Variants in IQSEC2 observed in about 807,000 individuals in gnomAD.
IQSEC2 encodes IQ motif and Sec7 domain ArfGEF 2, also known as IQ motif and SEC7 domain-containing protein 2.
In IQSEC2, 6 loss-of-function variants were observed where a neutral mutation model predicts 74.6. That is an observed-to-expected ratio of 0.08 (90% CI 0.04 to 0.16). IQSEC2 has a LOEUF of 0.16. Ranked by LOEUF, IQSEC2 falls within the 10% of genes least tolerant of loss-of-function variation. The pLI, the probability that IQSEC2 is intolerant of heterozygous loss-of-function variation, is 1.00. For missense variants in IQSEC2, 734 were observed against 1,306.2 expected (o/e 0.56, Z 6.75); for synonymous variants, 494 against 544.5 (o/e 0.91, Z 1.29).
chrX:53,291,958 G>A (rs1383518672), intron 1 of IQSEC2, 34 bp from the exon 2 acceptor site: 2 of 1,144,900 alleles, frequency 1.7e-6, no homozygotes, highest in African/African-American at 1.8e-5. Context: ...AACCAAAACG[G>A]TCAGTATACG....
chrX:53,235,886 TGCTGGGCTCCAGA>T lies in IQSEC2; in HGVS notation c.3452-67_3452-55del, dbSNP rs1556859541. 8.2e-6 allele frequency: 9 copies of T among 1,096,153 alleles called. No homozygotes were observed. In the African/African-American group the frequency reaches 1.7e-4, roughly 20 times the overall value. 90.3% of individuals were successfully genotyped at this position (1,096,153 alleles called of 1,213,427 possible). A position where few individuals can be genotyped will look rare whatever the true frequency, so the allele number is the denominator to read the frequency against. The stretch of plus-strand genomic sequence containing the variant: ...CAGAGCAGCAACCCCCCCCCTACCC[TGCTGGGCTCCAGA>T]GCTGGGCACCAGGACTGGGCCCCTC... On this transcript the variant is annotated intron_variant, in intron 13 of 14. Coordinates refer to ENST00000642864, the MANE Select transcript of IQSEC2 (RefSeq NM_001111125.3).
chrX:53,306,549 TG>T (rs1222240746), intron 1 of IQSEC2, among the ~76,000 whole-genome samples: 2 of 111,257 alleles, frequency 1.8e-5, no homozygotes, highest in Non-Finnish European at 3.8e-5. Flanking sequence ...CTTGGCTATG[TG>T]GGGGGCCTAC....
intron 7 of IQSEC2, among the ~76,000 whole-genome samples, chrX:53,247,689 T>C (rs2074328577): frequency 8.9e-6 from 1 of 112,340 alleles, no homozygotes; most frequent in African/African-American, 3.2e-5. Flanking sequence ...GTTCAAATCC[T>C]GTTTCTACCA....
At chrX:53,248,323 C>T (rs1358206630) in intron 6 of IQSEC2, 87 bp from the exon 7 acceptor site, 1 of 1,077,806 alleles carries the variant, frequency 9.3e-7, no homozygotes, top group Non-Finnish European at 1.3e-6. Context: ...TGGACCAACA[C>T]CCCCACTGAT....
At chrX:53,265,709 T>G (rs1556867499) in intron 2 of IQSEC2, among the ~76,000 whole-genome samples, 1 of 111,602 alleles carries the variant, frequency 9.0e-6, no homozygotes, top group East Asian at 2.8e-4. Context: ...CAGGGAGTCT[T>G]AGAACCAGCC....
At chrX:53,279,850 G>C (rs2074915775) in intron 2 of IQSEC2, 4 of 232,524 alleles carry the variant, frequency 1.7e-5, no homozygotes, top group Non-Finnish European at 3.1e-5. Context: ...AGGAAGATAA[G>C]GGAGAAAGGA....
At position 53,248,182 on chromosome X, in the gene IQSEC2, C is replaced by A. The variant is rs1167090163; in HGVS notation, c.2514G>T (p.Arg838=). ...GAACCCGGATATGGGACTGGAACTTCCGGAGCGCATCATCCAGATCCATGG... is the reference window on the plus strand; with the variant it reads ...GAACCCGGATATGGGACTGGAACTTACGGAGCGCATCATCCAGATCCATGG... The part of the protein sequence containing the change: ...FSSMDLDDAL[R]KFQSHIRVQG... The change falls in exon 7 of 15, where the codon CGG becomes CGT. Residue 838 remains arginine (R), a synonymous_variant. Coordinates refer to ENST00000642864, the MANE Select transcript of IQSEC2 (RefSeq NM_001111125.3). The A allele has an allele frequency of 7.5e-6, 9 of 1,207,942 alleles. No individual in the cohort carries two copies. The highest frequency in any genetic ancestry group is 1.0e-5 in the Non-Finnish European group (9 of 894,266).
chrX:53,257,717 C>T (rs17002627), intron 2 of IQSEC2, among the ~76,000 whole-genome samples: 10,810 of 111,982 alleles, frequency 0.097, 470 homozygotes, highest in African/African-American at 0.17. Flanking sequence ...TGAGGCTTCT[C>T]CAAGATACAA....
chrX:53,279,504 G>A, intron 2 of IQSEC2: 1 of 723,959 alleles, frequency 1.4e-6, no homozygotes, highest in Non-Finnish European at 2.2e-6. Context: ...GGCTGGCAAT[G>A]ACACTGTATA....
chrX:53,242,676 G>T (rs1476040680), intron 9 of IQSEC2, among the ~76,000 whole-genome samples: 2 of 111,671 alleles, frequency 1.8e-5, no homozygotes, highest in African/African-American at 6.5e-5. Context: ...CTGGTGCCCA[G>T]CAAATGCTGG....
chrX:53,232,610 C>T (rs1163943351), downstream of IQSEC2, among the ~76,000 whole-genome samples: 1 of 111,815 alleles, frequency 8.9e-6, no homozygotes, highest in Non-Finnish European at 1.9e-5. Context: ...GTGACTCTCC[C>T]GAATTCACAT....
intron 1 of IQSEC2, among the ~76,000 whole-genome samples, chrX:53,308,304 A>G (rs2075287788): frequency 1.8e-5 from 2 of 109,904 alleles, no homozygotes; most frequent in African/African-American, 6.6e-5. Context: ...AAAAGTGACT[A>G]TATCACTTGT....
intron 2 of IQSEC2, among the ~76,000 whole-genome samples, chrX:53,274,516 C>T (rs1556869148): frequency 1.3e-5 from 1 of 77,498 alleles, no homozygotes; most frequent in Non-Finnish European, 2.2e-5. Flanking sequence ...GGCTGGAGTG[C>T]AGTGGCGCAA....
In IQSEC2 at chrX:53,233,885, G is replaced by A. The variant is rs2074084741; in HGVS notation, c.*334C>T. The A allele has an allele frequency of 6.7e-6, 2 of 296,437 alleles. No individual in the cohort carries two copies. The allele number at this position is 296,437 out of a possible 1,213,427, so 24.4% of individuals were successfully genotyped here. A position where few individuals can be genotyped will look rare whatever the true frequency, so the allele number is the denominator to read the frequency against. ...ACAGAGAGCTCACACAGGCCCAGAG[G>A]TCTGAGGCCACAGAGCTAGACCTCC... On this transcript the variant is annotated 3_prime_UTR_variant, in exon 15 of 15. Transcript: ENST00000642864.
At chrX:53,293,803 C>T (rs781975192) in intron 1 of IQSEC2, among the ~76,000 whole-genome samples, 1 of 112,350 alleles carries the variant, frequency 8.9e-6, no homozygotes, top group African/African-American at 3.2e-5. Context: ...TCTAATCACC[C>T]CCACCACCAC....
At chrX:53,306,077 A>T (rs1406617996) in intron 1 of IQSEC2, among the ~76,000 whole-genome samples, 2 of 112,545 alleles carry the variant, frequency 1.8e-5, no homozygotes, top group African/African-American at 6.4e-5. Context: ...GCAGAGAGAT[A>T]GAGGTTCAGC....
intron 1 of IQSEC2, among the ~76,000 whole-genome samples, chrX:53,309,959 G>T (rs2075305806): frequency 9.0e-6 from 1 of 111,471 alleles, no homozygotes; most frequent in African/African-American, 3.3e-5. Flanking sequence ...TTAAGTCATT[G>T]TCCATGGGAG....
At chrX:53,308,966 T>C (rs62615251) in intron 1 of IQSEC2, among the ~76,000 whole-genome samples, 2,604 of 108,751 alleles carry the variant, frequency 0.024, 30 homozygotes, top group Non-Finnish European at 0.034. Context: ...TTGCCAGGTG[T>C]AGTGGCATGC....
intron 1 of IQSEC2, among the ~76,000 whole-genome samples, chrX:53,307,574 C>T (rs2075277234): frequency 9.1e-6 from 1 of 109,808 alleles, no homozygotes; most frequent in Admixed American, 9.7e-5. Flanking sequence ...AACAAGAAAA[C>T]AGAGCAAATT....
Sources: allele counts gnomAD v4.1 joint callset (sites outside exome capture counted in the v4.1 genomes callset), GRCh38; gene constraint gnomAD v4.1.1; transcripts MANE v1.5; gene names NCBI Gene and HGNC (gene_info 2026-07-23, HGNC 2026-07-21).